PTPRN2: variants seen among roughly 807,000 people sequenced by gnomAD.
PTPRN2 encodes the protein protein tyrosine phosphatase receptor type N2.
PTPRN2 carries 74 observed loss-of-function variants against 118.8 expected under a neutral mutation model. The ratio of observed to expected loss-of-function variants is 0.62; its 90% confidence interval spans 0.52 to 0.76. The LOEUF is 0.76. Among genes scored for constraint, PTPRN2 ranks in the 30% least tolerant of loss-of-function variants. The pLI, the probability that PTPRN2 is intolerant of heterozygous loss-of-function variation, is 0.00. For missense variants in PTPRN2, 1,481 were observed against 1,394.4 expected, an observed-to-expected ratio of 1.06 and a Z score of -0.99; for synonymous variants, 641 against 608.0, an observed-to-expected ratio of 1.05 and a Z score of -0.80.
chr7:158,374,656 G>A (rs564374584), intron 2 of PTPRN2, among the ~76,000 whole-genome samples: 4 of 152,280 alleles, frequency 2.6e-5, no homozygotes, highest in South Asian at 2.1e-4. Flanking sequence ...GAGACAAACC[G>A]TCCACACACA....
chr7:158,486,670 C>T (rs1306896144), intron 2 of PTPRN2, among the ~76,000 whole-genome samples: 2 of 152,202 alleles, frequency 1.3e-5, no homozygotes, highest in African/African-American at 4.8e-5. Flanking sequence ...CGACTTCCTC[C>T]TGAGGGAGCT....
chr7:157,710,793 A>G (rs1161349494), intron 12 of PTPRN2, among the ~76,000 whole-genome samples: 4 of 150,798 alleles, frequency 2.7e-5, no homozygotes, highest in African/African-American at 9.8e-5. Flanking sequence ...CAGCCGGGTT[A>G]CACGCGAGAG....
chr7:157,968,143 A>T (rs1485432483), intron 11 of PTPRN2, among the ~76,000 whole-genome samples: 1 of 152,004 alleles, frequency 6.6e-6, no homozygotes, highest in Non-Finnish European at 1.5e-5. Flanking sequence ...GTGGCACCTG[A>T]CTCAATATTA....
At chr7:158,253,868 T>A in intron 3 of PTPRN2, among the ~76,000 whole-genome samples, 1 of 151,262 alleles carries the variant, frequency 6.6e-6, no homozygotes, top group Non-Finnish European at 1.5e-5. Flanking sequence ...AGCATCCCTG[T>A]AACTGCACGG....
chr7:158,215,903 A>T (rs1447452402), intron 3 of PTPRN2, among the ~76,000 whole-genome samples: 1 of 152,160 alleles, frequency 6.6e-6, no homozygotes, highest in Non-Finnish European at 1.5e-5. Flanking sequence ...AGAGAAATAT[A>T]AAAAAAGGAA....
At chr7:157,556,572 C>T (rs899494761) in intron 21 of PTPRN2, among the ~76,000 whole-genome samples, 2 of 150,850 alleles carry the variant, frequency 1.3e-5, no homozygotes, top group Non-Finnish European at 3.0e-5. Context: ...TACATGCACA[C>T]ACATACACAT....
intron 12 of PTPRN2, among the ~76,000 whole-genome samples, chr7:157,871,099 G>C (rs2151259912): frequency 6.6e-6 from 1 of 152,320 alleles, no homozygotes; most frequent in Admixed American, 6.5e-5. Flanking sequence ...TCCTTACGAA[G>C]AAGCTGGCTC....
chr7:158,585,382 A>C (rs1189686529), intron 1 of PTPRN2, among the ~76,000 whole-genome samples: 1 of 152,206 alleles, frequency 6.6e-6, no homozygotes, highest in East Asian at 1.9e-4. Flanking sequence ...TTACCTGAGA[A>C]TGTAGGTGAT....
At position 157,599,771 on chromosome 7, in the gene PTPRN2, G is replaced by A. The variant is rs1310598199; in HGVS notation, c.2418+4231C>T. On this transcript the variant is annotated intron_variant, in intron 16 of 22. Transcript: ENST00000389418. ...GCCAGCTTTGGGGAAGGGCATGGGT[G>A]TCACGTCTTTACTCTGAAATCTTGC... 2.6e-5 allele frequency among the ~76,000 whole-genome samples: 4 copies of A among 152,216 alleles called. No homozygotes were observed. The East Asian group carries it at 7.7e-4, about 29-fold the overall frequency.
At position 157,576,774 on chromosome 7, in the gene PTPRN2, G is replaced by A; in HGVS notation, c.2622C>T (p.Asn874=). 6.2e-7 allele frequency: 1 copy of A among 1,601,256 alleles called. No individual in the cohort carries two copies. Among genetic ancestry groups the A allele is most frequent in the Non-Finnish European group, 8.5e-7 (1 of 1,173,294 alleles). Residue 874 remains asparagine, a synonymous_variant, in exon 19 of 23, where the codon AAC becomes AAT. Transcript: ENST00000389418. ...CACACCAGATGTGCTCGGAGACCAGGTTCACCTGGCAGGGAGGAGCGGAGG... is the reference window on the plus strand; with the variant it reads ...CACACCAGATGTGCTCGGAGACCAGATTCACCTGGCAGGGAGGAGCGGAGG... The part of the protein sequence containing the change: ...GSNLYHIYEV[N]LVSEHIWCED...
intron 18 of PTPRN2, among the ~76,000 whole-genome samples, chr7:157,577,516 A>G (rs745492007): frequency 4.6e-5 from 7 of 152,130 alleles, no homozygotes; most frequent in Non-Finnish European, 1.0e-4. Context: ...GTTATCCTCA[A>G]ATAAAAAGGT....
chr7:157,597,457 G>A (rs568586258), intron 16 of PTPRN2, among the ~76,000 whole-genome samples: 56 of 150,090 alleles, frequency 3.7e-4, no homozygotes, highest in African/African-American at 1.3e-3. Flanking sequence ...GGAAAGCCCC[G>A]CCTCCTTCTG....
intron 3 of PTPRN2, among the ~76,000 whole-genome samples, chr7:158,279,794 C>T (rs568993500): frequency 1.2e-4 from 18 of 152,304 alleles, no homozygotes; most frequent in African/African-American, 2.9e-4. Flanking sequence ...AGTGCAGCAG[C>T]GGGCTGAGGG....
intron 1 of PTPRN2, among the ~76,000 whole-genome samples, chr7:158,556,656 C>G (rs1317518666): frequency 6.6e-6 from 1 of 152,218 alleles, no homozygotes; most frequent in African/African-American, 2.4e-5. Flanking sequence ...ATAGACAGAA[C>G]AAAACCTGGT....
At chr7:158,342,656 T>G (rs778354851) in intron 2 of PTPRN2, among the ~76,000 whole-genome samples, 1 of 152,198 alleles carries the variant, frequency 6.6e-6, no homozygotes, top group Non-Finnish European at 1.5e-5. Context: ...AGTCAGTCCT[T>G]ATGATAACCC....
intron 2 of PTPRN2, among the ~76,000 whole-genome samples, chr7:158,486,486 T>C (rs1355188259): frequency 6.6e-6 from 1 of 152,378 alleles, no homozygotes; most frequent in East Asian, 1.9e-4. Flanking sequence ...AGGATGCCCA[T>C]GTAACAGCAT....
At position 158,483,986 on chromosome 7, in the gene PTPRN2, T is replaced by A. The variant is rs566785948; in HGVS notation, c.163+5749A>T. ...GACTCCATCACTGCAAAAAAAAAAT[T>A]TTTTTTAAATAGCCAGGCATGATGG... On this transcript the variant is annotated intron_variant, in intron 2 of 22. Transcript: ENST00000389418. Among the ~76,000 whole-genome samples, 78 of 151,372 alleles carry A rather than the reference T, an allele frequency of 5.2e-4. No individual in the cohort carries two copies. The South Asian group carries it at 6.9e-3, about 13-fold the overall frequency.
Position 158,380,407 on chromosome 7 carries a change from C to T in PTPRN2, c.164-63475G>A, listed in dbSNP as rs10237056. ...CAAAACAAAGAGGCTACAGGCCCCA[C>T]GCAAGTCTGAAATCTAGCAGGGCAG... is the stretch of plus-strand genomic sequence containing the variant. On this transcript the variant is annotated intron_variant, in intron 2 of 22. Transcript: ENST00000389418. 8.9e-3 allele frequency among the ~76,000 whole-genome samples: 1,357 copies of T among 152,270 alleles called. 27 individuals carry two copies. Among genetic ancestry groups the T allele is most frequent in the African/African-American group, 0.031 (1,287 of 41,556 alleles).
intron 11 of PTPRN2, among the ~76,000 whole-genome samples, chr7:158,065,778 A>C (rs1300800683): frequency 6.6e-6 from 1 of 152,280 alleles, no homozygotes; most frequent in African/African-American, 2.4e-5. Context: ...TTACAGATAA[A>C]AGAAATCTGA....
Sources: gnomAD v4.1 joint callset for allele counts (sites outside exome capture counted in the v4.1 genomes callset) on GRCh38, gnomAD v4.1.1 for gene constraint, MANE v1.5 for transcripts, NCBI Gene and HGNC (gene_info 2026-07-23, HGNC 2026-07-21) for gene names.